The following CDKAL1 variants were observed in gnomAD, a reference collection of about 807,000 sequenced individuals.
CDKAL1 encodes CDKAL1 threonylcarbamoyladenosine tRNA methylthiotransferase.
Under a neutral mutation model 68.2 loss-of-function variants are expected in CDKAL1, and 32 were observed. The observed-to-expected ratio is 0.47, with a 90% CI of 0.35 to 0.63. The LOEUF (loss-of-function observed/expected upper bound fraction) is 0.63. Among genes scored for constraint, CDKAL1 ranks in the 30% least tolerant of loss-of-function variants. The probability of loss-of-function intolerance (pLI) is 0.00; values close to 1 mark genes in which losing one functional copy is unlikely to be tolerated. For synonymous variants in CDKAL1, 234 were observed against 244.3 expected, an observed-to-expected ratio of 0.96 and a Z score of 0.39; for missense variants, 606 against 696.7, an observed-to-expected ratio of 0.87 and a Z score of 1.47.
At chr6:20,635,697 C>G (rs753356350) in intron 4 of CDKAL1, among the ~76,000 whole-genome samples, 15 of 152,168 alleles carry the variant, frequency 9.9e-5, no homozygotes, top group Admixed American at 4.6e-4. Flanking sequence ...AGCCCTTAGG[C>G]TGGTAGTAGC....
chr6:20,985,752 G>A (rs1309554865), intron 10 of CDKAL1, among the ~76,000 whole-genome samples: 1 of 151,842 alleles, frequency 6.6e-6, no homozygotes, highest in Non-Finnish European at 1.5e-5. Context: ...GCAGTGAGCT[G>A]TGATCATGCC....
chr6:20,824,652 G>T (rs1777425842), intron 8 of CDKAL1, among the ~76,000 whole-genome samples: 1 of 152,194 alleles, frequency 6.6e-6, no homozygotes, highest in African/African-American at 2.4e-5. Context: ...TAGCTAGATG[G>T]ATGTTATAAT....
intron 9 of CDKAL1, among the ~76,000 whole-genome samples, chr6:20,853,126 A>G (rs994559999): frequency 3.3e-5 from 5 of 152,208 alleles, no homozygotes; most frequent in Admixed American, 3.3e-4. Context: ...CACGCCTGTA[A>G]TCCCAGCACT....
At chr6:21,209,139 T>G (rs1779054487) in intron 15 of CDKAL1, among the ~76,000 whole-genome samples, 1 of 152,234 alleles carries the variant, frequency 6.6e-6, no homozygotes, top group South Asian at 2.1e-4. Flanking sequence ...TTTACTCGTA[T>G]TACTTCAGTT....
chr6:20,565,441 C>A (rs559177981), intron 4 of CDKAL1, among the ~76,000 whole-genome samples: 2 of 152,218 alleles, frequency 1.3e-5, no homozygotes, highest in South Asian at 4.1e-4. Context: ...AACCCATCCT[C>A]CTAACTCTGA....
intron 3 of CDKAL1, among the ~76,000 whole-genome samples, chr6:20,547,012 CATT>C (rs1229056342): frequency 2.0e-5 from 3 of 151,978 alleles, no homozygotes; most frequent in African/African-American, 7.2e-5. Context: ...TCAGATATCA[CATT>C]TTTTTTTTTG....
chr6:21,149,926 C>T lies in CDKAL1; in HGVS notation c.1299+41463C>T, dbSNP rs1255715163. Among the ~76,000 whole-genome samples, 7 of 152,218 alleles carry T rather than the reference C, an allele frequency of 4.6e-5. No homozygotes were observed. The South Asian group carries it at 6.2e-4, about 14-fold the overall frequency. ...AGGCTGGAGTGCAGTGGCGCTGTCT[C>T]GGCTCAGTGCAAGCTCCGCCTCCTG... On this transcript the variant is annotated intron_variant, in intron 13 of 15. Coordinates refer to ENST00000274695, the MANE Select transcript of CDKAL1 (RefSeq NM_017774.3).
chr6:20,993,685 G>A lies in CDKAL1; in HGVS notation c.910-6542G>A, dbSNP rs548706804. The A allele has an allele frequency of 2.6e-5, 4 of 152,250 alleles. No homozygotes were observed. In the South Asian group the frequency reaches 8.3e-4, roughly 32 times the overall value. 9.4% of individuals were successfully genotyped at this position (152,250 alleles called of 1,614,324 possible). The stretch of plus-strand genomic sequence containing the variant: ...GAAATTTAGCAGTTCTTTTAAAAAC[G>A]TATCCATACATAGAACTGCTTTTTA... On this transcript the variant is annotated intron_variant, in intron 10 of 15. Transcript: ENST00000274695.
chr6:21,125,875 CTG>C (rs1774985784), intron 13 of CDKAL1, among the ~76,000 whole-genome samples: 1 of 152,194 alleles, frequency 6.6e-6, no homozygotes, highest in African/African-American at 2.4e-5. Context: ...CCCACAATCT[CTG>C]TGCTTCCCCG....
chr6:21,125,470 C>T (rs1364594552), intron 13 of CDKAL1, among the ~76,000 whole-genome samples: 1 of 152,040 alleles, frequency 6.6e-6, no homozygotes, highest in Admixed American at 6.6e-5. Flanking sequence ...GTCGGGAGTT[C>T]GAGACCAGCC....
intron 13 of CDKAL1, among the ~76,000 whole-genome samples, chr6:21,167,435 A>T (rs1008665440): frequency 1.3e-5 from 2 of 152,212 alleles, no homozygotes; most frequent in Non-Finnish European, 2.9e-5. Flanking sequence ...GGAACCAAAG[A>T]TGGCAATTAG....
At chr6:20,961,721 C>A (rs1259965828) in intron 10 of CDKAL1, among the ~76,000 whole-genome samples, 1 of 149,996 alleles carries the variant, frequency 6.7e-6, no homozygotes, top group East Asian at 2.0e-4. Context: ...GAGCTGAGAT[C>A]GCACCACCGC....
intron 8 of CDKAL1, among the ~76,000 whole-genome samples, chr6:20,798,912 TAATAC>T (rs1561787100): frequency 1.8e-5 from 1 of 55,814 alleles, no homozygotes; most frequent in South Asian, 5.4e-4. Context: ...TAAAGTATAA[TAATAC>T]AAAAAAAAAA....
chr6:20,646,137 A>C (rs1768448274), intron 4 of CDKAL1, among the ~76,000 whole-genome samples: 1 of 142,692 alleles, frequency 7.0e-6, no homozygotes, highest in Admixed American at 7.5e-5. Context: ...GCTCACTGCA[A>C]CCTCTGTCCC....
At chr6:20,702,855 G>A (rs899169292) in intron 5 of CDKAL1, among the ~76,000 whole-genome samples, 1 of 152,090 alleles carries the variant, frequency 6.6e-6, no homozygotes, top group Non-Finnish European at 1.5e-5. Flanking sequence ...CAGGGGCCAC[G>A]CCCTTCTCTA....
intron 5 of CDKAL1, among the ~76,000 whole-genome samples, chr6:20,693,556 T>G (rs1487090867): frequency 2.0e-5 from 3 of 152,216 alleles, no homozygotes; most frequent in Admixed American, 6.5e-5. Context: ...GATATGTTTC[T>G]TTCAGGGACA....
intron 6 of CDKAL1, among the ~76,000 whole-genome samples, chr6:20,746,464 T>G (rs1773667517): frequency 6.6e-6 from 1 of 152,138 alleles, no homozygotes; most frequent in Non-Finnish European, 1.5e-5. Context: ...TCAAGAAAAA[T>G]CTTCTCATAG....
rs1024950045 is a variant in CDKAL1 at position 20,704,951 on chromosome 6, A to C, written c.372-34568A>C. 4.6e-5 allele frequency among the ~76,000 whole-genome samples: 7 copies of C among 152,378 alleles called. No homozygotes were observed. The East Asian group carries it at 1.2e-3, about 25-fold the overall frequency. ...TGGGTCAGAAAGCCTGACTAAAATG[A>C]GAATAACAATTCACATTCAATTAAA... On this transcript the variant is annotated intron_variant, in intron 5 of 15. Transcript: ENST00000274695.
Position 20,661,012 on chromosome 6 carries a change from T to C in CDKAL1, c.371+11635T>C, listed in dbSNP as rs1221513286. Among the ~76,000 whole-genome samples the C allele has an allele frequency of 2.0e-5, 3 of 152,030 alleles. No individual in the cohort carries two copies. In the East Asian group the frequency reaches 5.8e-4, roughly 29 times the overall value. On this transcript the variant is annotated intron_variant, in intron 5 of 15. Transcript: ENST00000274695. ...TGCTGTTGGGGAAGAAGTAGTAATG[T>C]TGGAAAGGTTGACTTGATAGAGGAT...
Sources: allele counts gnomAD v4.1 joint callset (sites outside exome capture counted in the v4.1 genomes callset), GRCh38; gene constraint gnomAD v4.1.1; transcripts MANE v1.5; gene names NCBI Gene and HGNC (gene_info 2026-07-23, HGNC 2026-07-21).